The following ZNF677 variants were observed in gnomAD, a reference collection of about 807,000 sequenced individuals.
The protein encoded by ZNF677 is hypothetical protein MGC48625.
Under a neutral mutation model 8.1 loss-of-function variants are expected in ZNF677, and 5 were observed. The observed-to-expected ratio is 0.62, with a 90% CI of 0.32 to 1.29. The LOEUF is 1.29. Among genes scored for constraint, ZNF677 ranks in the 50% most tolerant of loss-of-function variants. ZNF677 has a pLI of 0.05. For synonymous variants in ZNF677, 221 were observed against 225.6 expected (o/e 0.98, Z 0.18); for missense variants, 685 against 685.9 (o/e 1.00, Z 0.01).
intron 3 of ZNF677, 37 bp from the exon 4 acceptor site, chr19:53,243,934 A>G (rs2091096600): frequency 6.5e-7 from 1 of 1,533,148 alleles, no homozygotes; most frequent in African/African-American, 1.4e-5. Context: ...TGGACACAGG[A>G]AAATTTCTTA....
chr19:53,242,279 T>C (rs1314830591), intron 4 of ZNF677: 2 of 398,580 alleles, frequency 5.0e-6, no homozygotes, highest in Middle Eastern at 6.3e-4. Context: ...CTTAGAAGAA[T>C]ATGGAATCAG....
intron 3 of ZNF677, among the ~76,000 whole-genome samples, chr19:53,250,007 G>A (rs1020215805): frequency 6.6e-6 from 1 of 151,980 alleles, no homozygotes; most frequent in African/African-American, 2.4e-5. Flanking sequence ...CGAGTAGCTG[G>A]GATTACAGGC....
chr19:53,241,897 G>A (rs540346348), intron 4 of ZNF677: 4 of 398,362 alleles, frequency 1.0e-5, no homozygotes, highest in African/African-American at 4.1e-5. Flanking sequence ...AGAAAGAGAG[G>A]AAATTTCAGA....
intron 2 of ZNF677, among the ~76,000 whole-genome samples, chr19:53,252,634 G>T (rs991932221): frequency 6.6e-6 from 1 of 152,168 alleles, no homozygotes; most frequent in Non-Finnish European, 1.5e-5. Context: ...GCATGAAAGG[G>T]GGTCAGCTGT....
chr19:53,246,328 C>CAAAAAAAAAAT (rs1568693785), intron 3 of ZNF677, among the ~76,000 whole-genome samples: 5 of 121,042 alleles, frequency 4.1e-5, no homozygotes, highest in Admixed American at 7.8e-5. Context: ...AAAAAAAAAG[C>CAAAAAAAAAAT]GACCATGATC....
chr19:53,237,502 C>T lies in ZNF677; in HGVS notation c.1225G>A (p.Gly409Ser), dbSNP rs1173743895. The T allele has an allele frequency of 6.2e-7, 1 of 1,613,576 alleles. No homozygotes were observed. The highest frequency in any genetic ancestry group is 1.3e-5 in the African/African-American group (1 of 74,834). ...GEKPYICNEC[G>S]KAFKQCSHLT... is the part of the protein sequence containing the mutation. Reference sequence around the variant, plus strand: ...TGTGAGCACTGCTTAAAAGCTTTGCCACACTCATTACATATGTAAGGCTTC... The same window carrying T: ...TGTGAGCACTGCTTAAAAGCTTTGCTACACTCATTACATATGTAAGGCTTC... Residue 409 changes from glycine to serine, a missense_variant, in exon 5 of 5, where the codon GGC becomes AGC. Physicochemically the swap from Gly to Ser is moderately conservative, Grantham distance 56 (BLOSUM62 0). Coordinates refer to ENST00000598513, the MANE Select transcript of ZNF677 (RefSeq NM_182609.4).
rs775530052 is a variant in ZNF677 at position 53,237,899 on chromosome 19, C to T, written c.828G>A (p.Ser276=). 7.4e-6 allele frequency: 12 copies of T among 1,612,792 alleles called. No homozygotes were observed. Among genetic ancestry groups the T allele is most frequent in the East Asian group, 2.2e-5 (1 of 44,888 alleles). The change falls in exon 5 of 5, where the codon TCG becomes TCA. Residue 276 remains serine, a synonymous_variant. Transcript: ENST00000598513. Reference sequence around the variant, plus strand: ...GAATTCTCTGATGATTAGTGAGGTTCGAACTTTTGCTAAAAGCCTTTCCAC... The same window carrying T: ...GAATTCTCTGATGATTAGTGAGGTTTGAACTTTTGCTAAAAGCCTTTCCAC... ...NDCGKAFSKS[S]NLTNHQRIHS...
chr19:53,242,211 C>T (rs1315258186), intron 4 of ZNF677: 1 of 397,822 alleles, frequency 2.5e-6, no homozygotes, highest in East Asian at 3.6e-5. Flanking sequence ...GGATTATAGG[C>T]GTGAGGCACC....
intron 4 of ZNF677, chr19:53,239,403 T>A (rs2091013172): frequency 6.6e-6 from 1 of 152,138 alleles, no homozygotes; most frequent in Non-Finnish European, 1.5e-5. Context: ...TTCAGGTAAA[T>A]GCACATTACT....
chr19:53,248,388 C>T (rs1032883868), intron 3 of ZNF677, among the ~76,000 whole-genome samples: 6 of 152,080 alleles, frequency 3.9e-5, no homozygotes, highest in Admixed American at 6.5e-5. Context: ...TGTATTTGTA[C>T]CTACGTAGGT....
At chr19:53,246,521 CA>C (rs2091144996) in intron 3 of ZNF677, among the ~76,000 whole-genome samples, 1 of 151,420 alleles carries the variant, frequency 6.6e-6, no homozygotes, top group African/African-American at 2.4e-5. Flanking sequence ...CACACACACA[CA>C]CACACACACT....
rs371425174 is a variant in ZNF677 at position 53,238,496 on chromosome 19, T to A, written c.231A>T (p.Leu77Phe). Reference sequence around the variant, plus strand: ...TTCTTTCTAATATCACCAGATGGTATAATTCCTCTTTATTATTTTCCTTTG... The same window carrying A: ...TTCTTTCTAATATCACCAGATGGTAAAATTCCTCTTTATTATTTTCCTTTG... ...LSPKENNKEE[L>F]YHLVILERKE... is the part of the protein sequence containing the mutation. Residue 77 changes from leucine to phenylalanine, a missense_variant, in exon 5 of 5, where the codon TTA becomes TTT. Coordinates refer to ENST00000598513, the MANE Select transcript of ZNF677 (RefSeq NM_182609.4). 34 of 1,603,654 alleles carry A rather than the reference T, an allele frequency of 2.1e-5. No homozygotes were observed. The highest frequency in any genetic ancestry group is 1.7e-4 in the Middle Eastern group (1 of 6,054).
chr19:53,251,745 GA>G (rs2091237494), intron 2 of ZNF677, 140 bp from the exon 3 acceptor site: 3 of 604,408 alleles, frequency 5.0e-6, no homozygotes, highest in Non-Finnish European at 8.5e-6. Flanking sequence ...ATAAACTCAT[GA>G]AAAAAATTAA....
chr19:53,241,560 C>G (rs1568691025), intron 4 of ZNF677: 1 of 338,336 alleles, frequency 3.0e-6, no homozygotes, highest in East Asian at 4.3e-5. Context: ...AGGAGAAACT[C>G]CTACACCTTG....
At position 53,236,963 on chromosome 19, in the gene ZNF677, C is replaced by A. The variant is rs766781266; in HGVS notation, c.*9G>T. The A allele has an allele frequency of 2.0e-6, 3 of 1,525,990 alleles. No individual in the cohort carries two copies. The highest frequency in any genetic ancestry group is 1.7e-6 in the Non-Finnish European group (2 of 1,144,192). The allele number at this position is 1,525,990 out of a possible 1,614,324, so 94.5% of individuals were successfully genotyped here. A position where few individuals can be genotyped will look rare whatever the true frequency, so the allele number is the denominator to read the frequency against. ...TATATGGTTTCTTTTCACAATGGAG[C>A]CCCTGATGCTAGGTACAGCTTGAAT... On this transcript the variant is annotated 3_prime_UTR_variant, in exon 5 of 5. Transcript: ENST00000598513.
chr19:53,246,317 C>CAAAAAAAAAAAAAA lies in ZNF677; in HGVS notation c.16-2421_16-2420insTTTTTTTTTTTTTT, dbSNP rs59756987. ...TGGGTGACAGAGCGAGACTCCGTCCCAAAAAAAAAGCGACCATGATCTAGT... is the reference window on the plus strand; with the variant it reads ...TGGGTGACAGAGCGAGACTCCGTCCCAAAAAAAAAAAAAAAAAAAAAAAGCGACCATGATCTAGT... On this transcript the variant is annotated intron_variant, in intron 3 of 4. Coordinates refer to ENST00000598513, the MANE Select transcript of ZNF677 (RefSeq NM_182609.4). Among the ~76,000 whole-genome samples, 2 of 122,160 alleles carry CAAAAAAAAAAAAAA rather than the reference C, an allele frequency of 1.6e-5. 1 individual carries two copies. Among genetic ancestry groups the CAAAAAAAAAAAAAA allele is most frequent in the African/African-American group, 6.7e-5 (2 of 29,890 alleles). The allele number at this position is 122,160 out of a possible 152,430, so 80.1% of individuals were successfully genotyped here.
chr19:53,246,188 G>A (rs1409486023), intron 3 of ZNF677, among the ~76,000 whole-genome samples: 1 of 151,698 alleles, frequency 6.6e-6, no homozygotes, highest in Non-Finnish European at 1.5e-5. Context: ...CATGGTGGCG[G>A]GCGCCTGTAG....
chr19:53,251,358 C>T (rs1299888110), intron 3 of ZNF677, among the ~76,000 whole-genome samples, 178 bp downstream of exon 3: 1 of 152,166 alleles, frequency 6.6e-6, no homozygotes, highest in Non-Finnish European at 1.5e-5. Flanking sequence ...TTCCAAAGTT[C>T]CGTGTTACCG....
chr19:53,249,181 T>TTCAAG (rs1156700642), intron 3 of ZNF677: 1 of 152,260 alleles, frequency 6.6e-6, no homozygotes, highest in Non-Finnish European at 1.5e-5. Flanking sequence ...TTGTCCTACT[T>TTCAAG]TCCTTTAGTT....
Sources: gnomAD v4.1 joint callset for allele counts (sites outside exome capture counted in the v4.1 genomes callset) on GRCh38, gnomAD v4.1.1 for gene constraint, MANE v1.5 for transcripts, NCBI Gene and HGNC (gene_info 2026-07-23, HGNC 2026-07-21) for gene names.